Variants in HDAC2 observed in about 807,000 individuals in gnomAD.
HDAC2 encodes the protein histone deacetylase 2, also known as YY1-associated factor 1.
HDAC2 carries 5 observed loss-of-function variants against 68.5 expected under a neutral mutation model. That is an observed-to-expected ratio of 0.07 (90% CI 0.04 to 0.15). HDAC2 has a LOEUF of 0.15. HDAC2 is among the 10% of genes least tolerant of loss of function. The pLI is 1.00. For missense variants in HDAC2, 291 were observed against 600.8 expected, an observed-to-expected ratio of 0.48 and a Z score of 5.39; for synonymous variants, 182 against 191.3, an observed-to-expected ratio of 0.95 and a Z score of 0.40.
intron 1 of HDAC2, chr6:113,962,222 AAAG>A (rs1776700833): frequency 6.5e-6 from 1 of 152,910 alleles, no homozygotes; most frequent in South Asian, 2.1e-4. Context: ...GTATAATAGT[AAAG>A]AAGGATGAGA....
intron 1 of HDAC2, among the ~76,000 whole-genome samples, chr6:113,962,938 T>TG (rs1776722496): frequency 7.1e-6 from 1 of 141,452 alleles, no homozygotes; most frequent in Non-Finnish European, 1.5e-5. Flanking sequence ...CACTCCAGCC[T>TG]GGGTGACAGA....
rs548159917 is a variant in HDAC2, at chr6:113,934,113, C to A, written c.*6945G>T. The A allele has an allele frequency of 2.0e-4, 31 of 152,102 alleles. No individual in the cohort carries two copies. Among genetic ancestry groups the A allele is most frequent in the African/African-American group, 7.2e-4 (30 of 41,496 alleles). The allele number at this position is 152,102 out of a possible 1,614,324, so 9.4% of individuals were successfully genotyped here. On this transcript the variant is annotated 3_prime_UTR_variant, in exon 14 of 14. Transcript: ENST00000519065. ...TAATAAGCCTATCCTATTCAACAAC[C>A]AAGAAATAGATTTCATACCTATTAC...
rs1158616179 is a variant in HDAC2 at position 113,970,751 on chromosome 6, C to T, written c.52+106G>A. The T allele has an allele frequency of 1.1e-5, 16 of 1,423,916 alleles. No individual in the cohort carries two copies. In the Admixed American group the frequency reaches 4.4e-4, roughly 40 times the overall value. 88.2% of individuals were successfully genotyped at this position (1,423,916 alleles called of 1,614,324 possible). On this transcript the variant is annotated intron_variant, in intron 1 of 13. Transcript: ENST00000519065. ...GGTTAAGATGCGGCCAAATGTCGGTCCCTCCTCCTTCCCACCCCTCAGCCC... is the reference window on the plus strand; with the variant it reads ...GGTTAAGATGCGGCCAAATGTCGGTTCCTCCTCCTTCCCACCCCTCAGCCC...
intron 6 of HDAC2, among the ~76,000 whole-genome samples, chr6:113,952,398 A>G (rs1776441487): frequency 3.3e-5 from 5 of 152,262 alleles, no homozygotes; most frequent in Admixed American, 3.3e-4. Flanking sequence ...GTTTACTGAG[A>G]AAGTATCACA....
intron 6 of HDAC2, among the ~76,000 whole-genome samples, chr6:113,949,864 C>T (rs1776365033): frequency 6.6e-6 from 1 of 152,138 alleles, no homozygotes. Flanking sequence ...TCACTGCAAC[C>T]TCCGCCTCCC....
chr6:113,963,573 C>T lies in HDAC2; in HGVS notation c.53-3555G>A, dbSNP rs903920991. On this transcript the variant is annotated intron_variant, in intron 1 of 13. Transcript: ENST00000519065. ...GTTCCAAAATCTGAACTGTTTTGAGCACCAACTTAATAGTCAAGGAAATGC... is the reference window on the plus strand; with the variant it reads ...GTTCCAAAATCTGAACTGTTTTGAGTACCAACTTAATAGTCAAGGAAATGC... Among the ~76,000 whole-genome samples the T allele has an allele frequency of 4.6e-5, 7 of 152,162 alleles. No individual in the cohort carries two copies. The South Asian group carries it at 1.0e-3, about 22-fold the overall frequency.
Position 113,970,943 on chromosome 6 carries a change from C to T in HDAC2, c.-35G>A, listed in dbSNP as rs774169392. 1.8e-5 allele frequency: 28 copies of T among 1,554,916 alleles called. No homozygotes were observed. The Admixed American group carries it at 3.9e-4, about 22-fold the overall frequency. ...GGCCACCGCCGCCACCGGGCTCCTCCTCCTGCTGCTGCTGCTGCTGCTGCT... is the reference window on the plus strand; with the variant it reads ...GGCCACCGCCGCCACCGGGCTCCTCTTCCTGCTGCTGCTGCTGCTGCTGCT... On this transcript the variant is annotated 5_prime_UTR_variant, in exon 1 of 14. Transcript: ENST00000519065.
At chr6:113,945,946 A>G in intron 9 of HDAC2, 62 bp downstream of exon 9, 1 of 1,312,432 alleles carries the variant, frequency 7.6e-7, no homozygotes, top group Admixed American at 1.8e-5. Flanking sequence ...ATTGCAACAT[A>G]ATTAGAGGAG....
At chr6:113,951,908 T>G (rs1202487347) in intron 6 of HDAC2, among the ~76,000 whole-genome samples, 1 of 152,238 alleles carries the variant, frequency 6.6e-6, no homozygotes, top group Non-Finnish European at 1.5e-5. Context: ...CATAGTGACA[T>G]CCACCTGTCA....
chr6:113,967,895 G>A (rs1024873487), intron 1 of HDAC2, among the ~76,000 whole-genome samples: 1 of 152,276 alleles, frequency 6.6e-6, no homozygotes, highest in East Asian at 1.9e-4. Context: ...TGGAGGCATG[G>A]ATCAATAGCT....
At chr6:113,949,862 A>ACCTCCG (rs1776364933) in intron 6 of HDAC2, among the ~76,000 whole-genome samples, 1 of 151,816 alleles carries the variant, frequency 6.6e-6, no homozygotes, top group Non-Finnish European at 1.5e-5. Flanking sequence ...GCTCACTGCA[A>ACCTCCG]CCTCCGCCTC....
At chr6:113,949,354 T>A (rs1776345545) in intron 6 of HDAC2, 94 bp from the exon 7 acceptor site, 1 of 733,718 alleles carries the variant, frequency 1.4e-6, no homozygotes, top group African/African-American at 1.8e-5. Context: ...AAAGACTAAG[T>A]ATTAAGGATC....
At chr6:113,966,588 A>G (rs963038353) in intron 1 of HDAC2, among the ~76,000 whole-genome samples, 13 of 151,844 alleles carry the variant, frequency 8.6e-5, no homozygotes, top group Admixed American at 2.0e-4. Context: ...GGAATTAATA[A>G]TTTATTCATC....
chr6:113,970,674 G>T (rs1452474755), intron 1 of HDAC2, 183 bp downstream of exon 1: 16 of 1,350,406 alleles, frequency 1.2e-5, no homozygotes, highest in African/African-American at 1.5e-5. Flanking sequence ...CAGGAACCGC[G>T]GGGGCTGCGC....
intron 6 of HDAC2, 46 bp from the exon 7 acceptor site, chr6:113,949,306 A>T: frequency 2.5e-6 from 3 of 1,222,074 alleles, no homozygotes; most frequent in Non-Finnish European, 3.6e-6. Context: ...TCTATAATAA[A>T]AAGTTTGGCA....
At chr6:113,959,152 T>A (rs1175568131) in intron 2 of HDAC2, among the ~76,000 whole-genome samples, 2 of 152,120 alleles carry the variant, frequency 1.3e-5, no homozygotes, top group Admixed American at 6.5e-5. Context: ...TAAATCTTTG[T>A]TCACGACCTC....
At chr6:113,947,283 G>C (rs986156156) in intron 8 of HDAC2, 2 of 151,946 alleles carry the variant, frequency 1.3e-5, no homozygotes, top group African/African-American at 4.8e-5. Context: ...TTTTTTAAAG[G>C]CCAAAATTTG....
intron 5 of HDAC2, among the ~76,000 whole-genome samples, chr6:113,954,751 C>G (rs1776506779): frequency 6.6e-6 from 1 of 152,168 alleles, no homozygotes. Flanking sequence ...AAGTCAGCCT[C>G]TATGGATAGC....
In HDAC2 at chr6:113,956,143, C is replaced by G; in HGVS notation, c.367G>C (p.Val123Leu). 6.3e-7 allele frequency: 1 copy of G among 1,597,528 alleles called. No homozygotes were observed. The highest frequency in any genetic ancestry group is 8.5e-7 in the Non-Finnish European group (1 of 1,175,220). Residue 123 changes from valine to leucine, a missense_variant, in exon 5 of 14, where the codon GTG becomes CTG. Coordinates refer to ENST00000519065, the MANE Select transcript of HDAC2 (RefSeq NM_001527.4). ...TCAGTCTGTTGTCGGTTTAACTTCA[C>G]AGCTCCAGCTAAGAAGTAGAAACAA... ...LSTGGSVAGA[V>L]KLNRQQTDMA...
Sources: gnomAD v4.1 joint callset for allele counts (sites outside exome capture counted in the v4.1 genomes callset) on GRCh38, gnomAD v4.1.1 for gene constraint, MANE v1.5 for transcripts, NCBI Gene and HGNC (gene_info 2026-07-23, HGNC 2026-07-21) for gene names.